Variants in DNAH14 observed in about 807,000 individuals in gnomAD.
DNAH14 encodes the protein axonemal beta dynein heavy chain 14.
In DNAH14, 478 loss-of-function variants were observed where a neutral mutation model predicts 520.9. That is an observed-to-expected ratio of 0.92 (90% CI 0.85 to 0.99). The LOEUF (loss-of-function observed/expected upper bound fraction) is 0.99. Among genes scored for constraint, DNAH14 ranks in the 50% least tolerant of loss-of-function variants. DNAH14 has a pLI of 0.00. For missense variants in DNAH14, 4,831 were observed against 5,234.5 expected, an observed-to-expected ratio of 0.92 and a Z score of 2.38; for synonymous variants, 1,581 against 1,757.2, an observed-to-expected ratio of 0.90 and a Z score of 2.51.
At chr1:225,239,700 G>T (rs758193384) in intron 42 of DNAH14, among the ~76,000 whole-genome samples, 53 of 152,102 alleles carry the variant, frequency 3.5e-4, no homozygotes, top group African/African-American at 1.3e-3. Flanking sequence ...TGTAAAAAAG[G>T]GATCATATCT....
intron 1 of DNAH14, among the ~76,000 whole-genome samples, chr1:224,945,568 G>A (rs2059747899): frequency 6.6e-6 from 1 of 152,204 alleles, no homozygotes; most frequent in Non-Finnish European, 1.5e-5. Context: ...AAGGCACTCT[G>A]ATTTCTAGAG....
intron 34 of DNAH14, among the ~76,000 whole-genome samples, chr1:225,158,600 A>G (rs2081260408): frequency 6.6e-6 from 1 of 152,186 alleles, no homozygotes; most frequent in African/African-American, 2.4e-5. Flanking sequence ...AGCTGAGGTT[A>G]TGTTACTTTA....
At chr1:225,102,042 T>A (rs1420976405) in intron 23 of DNAH14, among the ~76,000 whole-genome samples, 236 of 85,586 alleles carry the variant, frequency 2.8e-3, no homozygotes, top group African/African-American at 0.01. Flanking sequence ...TCCCTCCCCC[T>A]CCCCCCACCC....
intron 1 of DNAH14, among the ~76,000 whole-genome samples, chr1:224,940,130 G>A (rs547970329): frequency 9.2e-5 from 14 of 152,296 alleles, no homozygotes; most frequent in African/African-American, 3.4e-4. Context: ...TACATGTGTG[G>A]TGCTTTAGTG....
chr1:225,343,501 T>C (rs189525758), intron 69 of DNAH14, among the ~76,000 whole-genome samples: 302 of 152,246 alleles, frequency 2.0e-3, no homozygotes, highest in Middle Eastern at 3.4e-3. Flanking sequence ...AAAAGAGATA[T>C]GTGTTAAATG....
At chr1:225,209,902 G>A (rs1242040300) in intron 41 of DNAH14, among the ~76,000 whole-genome samples, 1 of 152,074 alleles carries the variant, frequency 6.6e-6, no homozygotes, top group Non-Finnish European at 1.5e-5. Flanking sequence ...AATGGGTCAG[G>A]GAACTCCCTC....
At chr1:225,062,608 C>T (rs887223279) in intron 17 of DNAH14, among the ~76,000 whole-genome samples, 2 of 152,132 alleles carry the variant, frequency 1.3e-5, no homozygotes, top group African/African-American at 4.8e-5. Flanking sequence ...GCAGAATGTT[C>T]ATAGAGTGAA....
intron 21 of DNAH14, among the ~76,000 whole-genome samples, chr1:225,094,702 AC>A (rs2074775552): frequency 6.8e-6 from 1 of 147,556 alleles, no homozygotes; most frequent in African/African-American, 2.5e-5. Flanking sequence ...AAACAAAAAA[AC>A]GCTATCAACA....
chr1:225,274,178 A>G (rs2093392368), intron 52 of DNAH14, among the ~76,000 whole-genome samples: 1 of 145,198 alleles, frequency 6.9e-6, no homozygotes, highest in African/African-American at 2.6e-5. Flanking sequence ...TTTTCTCTGC[A>G]TCCTCACCAG....
In DNAH14 at chr1:225,168,722, G is replaced by T. The variant is rs1376342255; in HGVS notation, c.5535+694G>T. ...CTGCCTCTGTAGACTGCACCTCTGG[G>T]GGCAGGGCACAGCCAAATAAAAAAT... On this transcript the variant is annotated intron_variant, in intron 36 of 85. Transcript: ENST00000682510. Among the ~76,000 whole-genome samples, 4 of 152,296 alleles carry T rather than the reference G, an allele frequency of 2.6e-5. No homozygotes were observed. In the East Asian group the frequency reaches 5.8e-4, roughly 22 times the overall value.
intron 60 of DNAH14, among the ~76,000 whole-genome samples, chr1:225,316,479 G>A (rs2150165946): frequency 6.6e-6 from 1 of 152,306 alleles, no homozygotes; most frequent in East Asian, 1.9e-4. Context: ...GGCTCTTGTG[G>A]TGTAGGCACC....
chr1:225,202,541 G>C (rs897464203), intron 38 of DNAH14, among the ~76,000 whole-genome samples: 2 of 152,132 alleles, frequency 1.3e-5, no homozygotes, highest in South Asian at 4.1e-4. Context: ...CTCCCACTGT[G>C]TCCCCGCAAT....
intron 36 of DNAH14, among the ~76,000 whole-genome samples, chr1:225,181,329 T>C (rs1452471175): frequency 6.6e-6 from 1 of 152,210 alleles, no homozygotes; most frequent in Non-Finnish European, 1.5e-5. Context: ...TTAATTTTTC[T>C]TTGGGTACAT....
chr1:225,380,114 C>T (rs1482104243), intron 79 of DNAH14, 45 bp from the exon 80 acceptor site: 2 of 1,516,176 alleles, frequency 1.3e-6, no homozygotes, highest in Non-Finnish European at 1.8e-6. Flanking sequence ...CCCATCTCCC[C>T]ACTTCCTGTT....
intron 41 of DNAH14, among the ~76,000 whole-genome samples, chr1:225,214,327 T>C (rs1247068230): frequency 1.3e-5 from 2 of 152,322 alleles, no homozygotes; most frequent in Non-Finnish European, 1.5e-5. Context: ...TTATTGAGGA[T>C]TTTTGCATCG....
chr1:225,026,446 G>A (rs940251487), intron 11 of DNAH14, among the ~76,000 whole-genome samples: 1 of 151,982 alleles, frequency 6.6e-6, no homozygotes, highest in Non-Finnish European at 1.5e-5. Flanking sequence ...GTATGAGATA[G>A]GGTCCAAATT....
At chr1:225,331,942 C>A (rs746707769) in intron 65 of DNAH14, among the ~76,000 whole-genome samples, 5 of 148,056 alleles carry the variant, frequency 3.4e-5, no homozygotes, top group African/African-American at 5.1e-5. Flanking sequence ...GGAGAGATGT[C>A]ATTAGTAAAG....
intron 60 of DNAH14, among the ~76,000 whole-genome samples, chr1:225,310,715 G>C (rs12403447): frequency 6.6e-6 from 1 of 152,058 alleles, no homozygotes; most frequent in Admixed American, 6.6e-5. Flanking sequence ...TTCTGTTCTT[G>C]TGTTAGTTTG....
At chr1:225,330,209 C>T (rs1478238311) in intron 64 of DNAH14, among the ~76,000 whole-genome samples, 1 of 152,086 alleles carries the variant, frequency 6.6e-6, no homozygotes, top group Non-Finnish European at 1.5e-5. Flanking sequence ...CTCGTGGGAA[C>T]ATAAATTAGT....
Sources: gnomAD v4.1 joint callset for allele counts (sites outside exome capture counted in the v4.1 genomes callset) on GRCh38, gnomAD v4.1.1 for gene constraint, MANE v1.5 for transcripts, NCBI Gene and HGNC (gene_info 2026-07-23, HGNC 2026-07-21) for gene names.